The following KCNQ5 variants were observed in gnomAD, a reference collection of about 807,000 sequenced individuals.
KCNQ5 encodes the protein potassium voltage-gated channel subfamily KQT member 5.
A neutral mutation model predicts 98.2 loss-of-function variants in KCNQ5; 30 were observed. The observed-to-expected ratio is 0.31, with a 90% CI of 0.23 to 0.41. KCNQ5 has a LOEUF of 0.41. Among genes scored for constraint, KCNQ5 ranks in the 10% least tolerant of loss-of-function variants. The pLI is 1.00. For synonymous variants in KCNQ5, 458 were observed against 449.4 expected (o/e 1.02, Z -0.24); for missense variants, 835 against 1,182.5 (o/e 0.71, Z 4.31).
intron 1 of KCNQ5, among the ~76,000 whole-genome samples, chr6:72,648,788 TTTA>T (rs924735735): frequency 2.9e-4 from 40 of 137,672 alleles, no homozygotes; most frequent in Non-Finnish European, 2.4e-4. Flanking sequence ...TTTTTTTTTT[TTTA>T]ATTCTCAGAG....
At chr6:73,176,144 GTTTGGA>G (rs1174007962) in intron 11 of KCNQ5, among the ~76,000 whole-genome samples, 1 of 152,212 alleles carries the variant, frequency 6.6e-6, no homozygotes, top group Non-Finnish European at 1.5e-5. Flanking sequence ...GCATGATATG[GTTTGGA>G]TCTGTGTCCT....
chr6:72,633,358 C>A (rs2098922135), intron 1 of KCNQ5, among the ~76,000 whole-genome samples: 1 of 152,178 alleles, frequency 6.6e-6, no homozygotes, highest in African/African-American at 2.4e-5. Context: ...TGAATATTTT[C>A]TCCCATTTTG....
chr6:72,934,960 G>A (rs538811692), intron 1 of KCNQ5, among the ~76,000 whole-genome samples: 2 of 150,868 alleles, frequency 1.3e-5, no homozygotes, highest in South Asian at 4.2e-4. Context: ...CTTTTAACTA[G>A]TACAAATTCC....
intron 1 of KCNQ5, among the ~76,000 whole-genome samples, chr6:72,667,501 G>A (rs746914137): frequency 2.5e-4 from 38 of 152,192 alleles, no homozygotes; most frequent in Admixed American, 8.5e-4. Context: ...AGATCTACCC[G>A]TGGGTATTAA....
intron 1 of KCNQ5, among the ~76,000 whole-genome samples, chr6:72,926,792 A>G (rs555273379): frequency 2.6e-5 from 4 of 152,284 alleles, no homozygotes; most frequent in South Asian, 2.1e-4. Flanking sequence ...AATCATAAAA[A>G]TGTTTATGTT....
rs73547840 is a variant in KCNQ5, at chr6:72,914,060, T to A, written c.399-89848T>A. Among the ~76,000 whole-genome samples, 892 of 152,090 alleles carry A rather than the reference T, an allele frequency of 5.9e-3. 10 individuals carry two copies. Among genetic ancestry groups the A allele is most frequent in the African/African-American group, 0.02 (841 of 41,490 alleles). ...GGAACTTAGGATCTGCTTCAGGGGA[T>A]ATGAGGGAGGGAAAGGTAAGAGTAA... is the stretch of plus-strand genomic sequence containing the variant. On this transcript the variant is annotated intron_variant, in intron 1 of 13. Transcript: ENST00000370398.
intron 1 of KCNQ5, among the ~76,000 whole-genome samples, chr6:72,899,285 A>C (rs763412987): frequency 6.6e-6 from 1 of 152,282 alleles, no homozygotes; most frequent in African/African-American, 2.4e-5. Context: ...ACCATATACT[A>C]TTCCAACTTG....
At chr6:72,824,684 G>A (rs982186579) in intron 1 of KCNQ5, among the ~76,000 whole-genome samples, 12 of 152,170 alleles carry the variant, frequency 7.9e-5, no homozygotes, top group African/African-American at 2.9e-4. Context: ...TGATAGGGAA[G>A]AAAGGTGTCA....
chr6:73,055,907 C>T, intron 3 of KCNQ5: 1 of 535,676 alleles, frequency 1.9e-6, no homozygotes, highest in Non-Finnish European at 3.6e-6. Flanking sequence ...TCTGTCCCTC[C>T]CTCCTGAACA....
intron 1 of KCNQ5, among the ~76,000 whole-genome samples, chr6:72,839,069 G>A (rs1221106529): frequency 6.6e-6 from 1 of 151,368 alleles, no homozygotes; most frequent in East Asian, 1.9e-4. Flanking sequence ...CTGAGTCCAA[G>A]TATATAAAAT....
chr6:72,977,716 T>G (rs1049383617), intron 1 of KCNQ5, among the ~76,000 whole-genome samples: 1 of 152,318 alleles, frequency 6.6e-6, no homozygotes, highest in South Asian at 2.1e-4. Flanking sequence ...TCTCCCCGCT[T>G]CTGCATCCTA....
chr6:72,706,083 C>T (rs190763494), intron 1 of KCNQ5, among the ~76,000 whole-genome samples: 1 of 151,988 alleles, frequency 6.6e-6, no homozygotes, highest in African/African-American at 2.4e-5. Context: ...CAGCAAAAGT[C>T]AGAAATATTA....
At chr6:72,921,807 T>G (rs1325383976) in intron 1 of KCNQ5, among the ~76,000 whole-genome samples, 2 of 152,166 alleles carry the variant, frequency 1.3e-5, no homozygotes, top group Admixed American at 6.6e-5. Context: ...AATTTCCCAG[T>G]GGACCAAAAC....
chr6:72,864,404 G>A (rs1039917944), intron 1 of KCNQ5, among the ~76,000 whole-genome samples: 4 of 152,082 alleles, frequency 2.6e-5, no homozygotes, highest in Non-Finnish European at 4.4e-5. Flanking sequence ...GTTCCAAAAC[G>A]GCAAACTCTT....
At chr6:72,773,958 A>G (rs978185433) in intron 1 of KCNQ5, among the ~76,000 whole-genome samples, 8 of 152,140 alleles carry the variant, frequency 5.3e-5, no homozygotes, top group Admixed American at 3.9e-4. Context: ...AAGCAGACCC[A>G]TGCTTACTGG....
intron 1 of KCNQ5, among the ~76,000 whole-genome samples, chr6:72,983,222 T>A (rs1768561385): frequency 6.6e-6 from 1 of 152,214 alleles, no homozygotes; most frequent in Non-Finnish European, 1.5e-5. Flanking sequence ...TGGCCTGCCT[T>A]GCTAGGTTGG....
At chr6:72,946,118 T>C (rs971690227) in intron 1 of KCNQ5, among the ~76,000 whole-genome samples, 3 of 152,192 alleles carry the variant, frequency 2.0e-5, no homozygotes, top group African/African-American at 7.2e-5. Context: ...ATAAGACCAC[T>C]GCTGTTCAAG....
chr6:73,191,866 A>T (rs1233628159), intron 12 of KCNQ5, among the ~76,000 whole-genome samples: 1 of 152,200 alleles, frequency 6.6e-6, no homozygotes, highest in African/African-American at 2.4e-5. Context: ...ACTCTTGATA[A>T]TTCAATTCTA....
chr6:72,764,338 G>A (rs1163134527), intron 1 of KCNQ5, among the ~76,000 whole-genome samples: 2 of 151,976 alleles, frequency 1.3e-5, no homozygotes, highest in Non-Finnish European at 2.9e-5. Context: ...GGTGACAAAA[G>A]AATATAAACT....
Sources: gnomAD v4.1 joint callset for allele counts (sites outside exome capture counted in the v4.1 genomes callset) on GRCh38, gnomAD v4.1.1 for gene constraint, MANE v1.5 for transcripts, NCBI Gene and HGNC (gene_info 2026-07-23, HGNC 2026-07-21) for gene names.